SLCO3A1: variants seen among roughly 807,000 people sequenced by gnomAD.
SLCO3A1 encodes PGE1 transporter.
In SLCO3A1, 27 loss-of-function variants were observed where a neutral mutation model predicts 63.1. The ratio of observed to expected loss-of-function variants is 0.43; its 90% CI spans 0.32 to 0.59. The LOEUF (loss-of-function observed/expected upper bound fraction) is 0.59. Ranked by LOEUF, SLCO3A1 falls within the 20% of genes least tolerant of loss-of-function variation. The pLI, the probability that SLCO3A1 is intolerant of heterozygous loss-of-function variation, is 0.09. For missense variants in SLCO3A1, 773 were observed against 945.8 expected (o/e 0.82, Z 2.40); for synonymous variants, 473 against 409.9 (o/e 1.15, Z -1.86).
chr15:91,993,340 T>C (rs79224075), intron 2 of SLCO3A1, among the ~76,000 whole-genome samples: 1 of 152,212 alleles, frequency 6.6e-6, no homozygotes, highest in Non-Finnish European at 1.5e-5. Flanking sequence ...AGAGCACTTT[T>C]GGTTTGAAGT....
intron 2 of SLCO3A1, among the ~76,000 whole-genome samples, chr15:92,036,017 A>C (rs1369610930): frequency 6.8e-6 from 1 of 146,878 alleles, no homozygotes; most frequent in African/African-American, 2.4e-5. Context: ...TGTCTCTTCC[A>C]GTATAACTGG....
chr15:92,045,380 T>C (rs546614808), intron 2 of SLCO3A1, among the ~76,000 whole-genome samples: 1 of 152,232 alleles, frequency 6.6e-6, no homozygotes, highest in Non-Finnish European at 1.5e-5. Flanking sequence ...TCACTTATAA[T>C]TCTGCCACCC....
intron 2 of SLCO3A1, among the ~76,000 whole-genome samples, chr15:92,093,868 G>A (rs1236862094): frequency 7.9e-5 from 12 of 152,016 alleles, no homozygotes; most frequent in Admixed American, 6.5e-4. Context: ...TTCCCAGCAA[G>A]TGACATTCAT....
rs531543081 is a variant in SLCO3A1 at position 92,091,278 on chromosome 15, T to C, written c.647-3603T>C. Among the ~76,000 whole-genome samples the C allele has an allele frequency of 2.6e-5, 4 of 152,116 alleles. No individual in the cohort carries two copies. The South Asian group carries it at 8.3e-4, about 32-fold the overall frequency. On this transcript the variant is annotated intron_variant, in intron 2 of 9. Transcript: ENST00000318445. ...CCTCCCTGACTAGGGAATCCCAGGC[T>C]CTCCTCCCCACCGACATACATGAAC...
chr15:91,947,917 C>T (rs574373606), intron 2 of SLCO3A1, among the ~76,000 whole-genome samples: 11 of 152,308 alleles, frequency 7.2e-5, no homozygotes, highest in Non-Finnish European at 1.5e-4. Context: ...TGGCAATTCC[C>T]CTTTGGCCCC....
chr15:91,866,617 C>G (rs1025140879), intron 1 of SLCO3A1, among the ~76,000 whole-genome samples: 3 of 151,004 alleles, frequency 2.0e-5, no homozygotes, highest in African/African-American at 7.3e-5. Flanking sequence ...AGCTTGATCT[C>G]TGCCAAACTA....
At chr15:92,111,465 T>C (rs1472235979) in intron 4 of SLCO3A1, among the ~76,000 whole-genome samples, 1 of 152,184 alleles carries the variant, frequency 6.6e-6, no homozygotes, top group African/African-American at 2.4e-5. Context: ...TTTTCTTTCC[T>C]GATTCCATGG....
chr15:91,955,499 A>G (rs557118911), intron 2 of SLCO3A1, among the ~76,000 whole-genome samples: 1 of 152,098 alleles, frequency 6.6e-6, no homozygotes, highest in East Asian at 1.9e-4. Context: ...CACCCGGCCA[A>G]GTTTTGTATT....
At chr15:92,116,705 G>A (rs1473004275) in intron 4 of SLCO3A1, among the ~76,000 whole-genome samples, 1 of 152,210 alleles carries the variant, frequency 6.6e-6, no homozygotes, top group Non-Finnish European at 1.5e-5. Flanking sequence ...GGCCCTAGGA[G>A]CAAACTAATT....
At chr15:92,093,797 G>A (rs959805888) in intron 2 of SLCO3A1, among the ~76,000 whole-genome samples, 1 of 152,016 alleles carries the variant, frequency 6.6e-6, no homozygotes, top group Non-Finnish European at 1.5e-5. Context: ...AGAATTTAGG[G>A]TGAGTTGGTC....
chr15:92,000,226 T>G (rs2046237133), intron 2 of SLCO3A1, among the ~76,000 whole-genome samples: 1 of 152,148 alleles, frequency 6.6e-6, no homozygotes, highest in African/African-American at 2.4e-5. Flanking sequence ...CATGTATATT[T>G]ACATATAAAC....
intron 2 of SLCO3A1, among the ~76,000 whole-genome samples, chr15:92,074,377 C>T (rs1274963109): frequency 6.6e-6 from 1 of 152,176 alleles, no homozygotes; most frequent in East Asian, 1.9e-4. Context: ...TTTGTCTCTT[C>T]CCTCTCCTTC....
At chr15:91,946,578 G>A (rs1362554594) in intron 2 of SLCO3A1, among the ~76,000 whole-genome samples, 2 of 152,226 alleles carry the variant, frequency 1.3e-5, no homozygotes, top group African/African-American at 2.4e-5. Flanking sequence ...AGAATATTCT[G>A]TAACTTTGGA....
At chr15:92,050,157 G>A (rs913846627) in intron 2 of SLCO3A1, among the ~76,000 whole-genome samples, 4 of 152,186 alleles carry the variant, frequency 2.6e-5, no homozygotes, top group African/African-American at 7.2e-5. Context: ...TTCTGGTCTT[G>A]TGGACTTTTT....
At chr15:91,913,993 G>GGTGAGGC (rs1898568568) in intron 1 of SLCO3A1, among the ~76,000 whole-genome samples, 28 of 152,170 alleles carry the variant, frequency 1.8e-4, no homozygotes, top group Admixed American at 1.5e-3. Flanking sequence ...CACCTGGTGT[G>GGTGAGGC]ACCCCTACAC....
In SLCO3A1 at chr15:92,012,364, G is replaced by T. The variant is rs567366876; in HGVS notation, c.647-82517G>T. ...GCCGTGAAATGAGCAAATTGAAAGTGAAGGTTTTCAAGGTCCCTTCCCAGC... is the reference window on the plus strand; with the variant it reads ...GCCGTGAAATGAGCAAATTGAAAGTTAAGGTTTTCAAGGTCCCTTCCCAGC... On this transcript the variant is annotated intron_variant, in intron 2 of 9. Transcript: ENST00000318445. 1.2e-4 allele frequency among the ~76,000 whole-genome samples: 18 copies of T among 152,306 alleles called. 1 individual carries two copies. The South Asian group carries it at 3.7e-3, about 32-fold the overall frequency.
intron 4 of SLCO3A1, among the ~76,000 whole-genome samples, chr15:92,118,873 G>C (rs889125158): frequency 6.6e-6 from 1 of 152,164 alleles, no homozygotes; most frequent in African/African-American, 2.4e-5. Flanking sequence ...CCTAACTTTA[G>C]TCTAGTCTCT....
At chr15:92,142,993 G>A (rs2048155070) in intron 7 of SLCO3A1, among the ~76,000 whole-genome samples, 1 of 151,930 alleles carries the variant, frequency 6.6e-6, no homozygotes, top group South Asian at 2.1e-4. Flanking sequence ...TCATTCAGAG[G>A]GTTCTGGCGT....
chr15:92,150,870 C>A, intron 8 of SLCO3A1, 80 bp from the exon 9 acceptor site: 1 of 945,966 alleles, frequency 1.1e-6, no homozygotes. Flanking sequence ...TGGACAGCAG[C>A]AAATGACTCT....
Sources: gnomAD v4.1 joint callset for allele counts (sites outside exome capture counted in the v4.1 genomes callset) on GRCh38, gnomAD v4.1.1 for gene constraint, MANE v1.5 for transcripts, NCBI Gene and HGNC (gene_info 2026-07-23, HGNC 2026-07-21) for gene names.